The following LSAMP variants were observed in gnomAD, a reference collection of about 807,000 sequenced individuals.
The protein encoded by LSAMP is limbic system associated membrane protein, also known as limbic system-associated membrane protein.
Under a neutral mutation model 38.6 loss-of-function variants are expected in LSAMP, and 7 were observed. That is an observed-to-expected ratio of 0.18 (90% CI 0.10 to 0.34). The LOEUF (loss-of-function observed/expected upper bound fraction) is 0.34. Among genes scored for constraint, LSAMP ranks in the 10% least tolerant of loss-of-function variants. The pLI, the probability that LSAMP is intolerant of heterozygous loss-of-function variation, is 1.00. For synonymous variants in LSAMP, 154 were observed against 166.8 expected (o/e 0.92, Z 0.59); for missense variants, 313 against 420.0 (o/e 0.75, Z 2.23).
chr3:115,883,880 G>T (rs1021894975), intron 3 of LSAMP, among the ~76,000 whole-genome samples: 1 of 151,930 alleles, frequency 6.6e-6, no homozygotes, highest in Non-Finnish European at 1.5e-5. Context: ...TAAAATAAGA[G>T]AGTGAATGGA....
rs144188419 is a variant in LSAMP at position 116,103,768 on chromosome 3, A to C, written c.156-17212T>G. On this transcript the variant is annotated intron_variant, in intron 1 of 6. Coordinates refer to ENST00000490035, the MANE Select transcript of LSAMP (RefSeq NM_002338.5). ...AAAATTATACCTCTGCTAGACTGTA[A>C]AATTAAGGAAGTCAGAGTCCCTAAT... Among the ~76,000 whole-genome samples, 346 of 152,250 alleles carry C rather than the reference A, an allele frequency of 2.3e-3. 1 individual carries two copies. The highest frequency in any genetic ancestry group is 7.8e-3 in the African/African-American group (325 of 41,540).
chr3:115,934,318 C>A (rs921046641), intron 3 of LSAMP, among the ~76,000 whole-genome samples: 2 of 151,996 alleles, frequency 1.3e-5, no homozygotes, highest in African/African-American at 4.8e-5. Flanking sequence ...GGTTGGATTA[C>A]AGGCGCCCGC....
At chr3:115,956,731 A>T (rs1316397375) in intron 3 of LSAMP, among the ~76,000 whole-genome samples, 1 of 152,340 alleles carries the variant, frequency 6.6e-6, no homozygotes, top group East Asian at 1.9e-4. Context: ...AAATTTTATA[A>T]TTCTTTAACT....
intron 1 of LSAMP, among the ~76,000 whole-genome samples, chr3:116,304,864 G>T (rs1360256986): frequency 6.6e-6 from 1 of 152,120 alleles, no homozygotes; most frequent in African/African-American, 2.4e-5. Context: ...GAAGATGGAG[G>T]ATGGAAAGGT....
intron 1 of LSAMP, among the ~76,000 whole-genome samples, chr3:116,371,870 C>T (rs1014353282): frequency 5.9e-5 from 9 of 151,968 alleles, no homozygotes; most frequent in African/African-American, 2.2e-4. Context: ...AAATCAGTTA[C>T]ATTTCTATAC....
At chr3:116,259,672 T>C (rs1252974246) in intron 1 of LSAMP, among the ~76,000 whole-genome samples, 2 of 152,166 alleles carry the variant, frequency 1.3e-5, no homozygotes, top group African/African-American at 4.8e-5. Flanking sequence ...GTGGTGCTGG[T>C]GGTGTTGGTA....
At chr3:116,163,876 C>CAA (rs199877111) in intron 1 of LSAMP, among the ~76,000 whole-genome samples, 1 of 151,046 alleles carries the variant, frequency 6.6e-6, no homozygotes, top group African/African-American at 2.4e-5. Flanking sequence ...TAAAAAAACA[C>CAA]AAAAAAAACG....
Position 116,249,630 on chromosome 3 carries a change from C to T in LSAMP, c.156-163074G>A, listed in dbSNP as rs536072274. On this transcript the variant is annotated intron_variant, in intron 1 of 6. Transcript: ENST00000490035. ...CAAACTCCTGACCTCGTGATCCGCC[C>T]GCCTCAGCCTCCCAAAGTGCTGGGA... Among the ~76,000 whole-genome samples the T allele has an allele frequency of 9.2e-5, 14 of 151,926 alleles. No homozygotes were observed. In the South Asian group the frequency reaches 1.0e-3, roughly 11 times the overall value.
chr3:116,028,727 G>C (rs1302821569), intron 2 of LSAMP, among the ~76,000 whole-genome samples: 1 of 151,988 alleles, frequency 6.6e-6, no homozygotes, highest in Non-Finnish European at 1.5e-5. Context: ...AGGATAACAT[G>C]GTAAAATAGC....
intron 1 of LSAMP, among the ~76,000 whole-genome samples, chr3:116,277,577 T>C (rs1294800342): frequency 1.3e-5 from 2 of 152,172 alleles, no homozygotes; most frequent in Admixed American, 1.3e-4. Context: ...TTCACCATGT[T>C]AGCCAGAATG....
At chr3:116,317,203 G>A (rs1310915052) in intron 1 of LSAMP, among the ~76,000 whole-genome samples, 1 of 152,062 alleles carries the variant, frequency 6.6e-6, no homozygotes, top group Non-Finnish European at 1.5e-5. Flanking sequence ...AATAAATCTT[G>A]CTGCTGCTCA....
chr3:115,995,139 T>C (rs1939779588), intron 3 of LSAMP, among the ~76,000 whole-genome samples: 1 of 152,268 alleles, frequency 6.6e-6, no homozygotes, highest in South Asian at 2.1e-4. Context: ...GAAGTTTCCA[T>C]ACATTCTTTT....
At chr3:116,350,469 T>C (rs546032406) in intron 1 of LSAMP, among the ~76,000 whole-genome samples, 1 of 152,172 alleles carries the variant, frequency 6.6e-6, no homozygotes, top group Admixed American at 6.6e-5. Context: ...TGCACTGCAT[T>C]CTGAGTATGG....
intron 1 of LSAMP, among the ~76,000 whole-genome samples, chr3:116,203,196 C>T (rs2046011737): frequency 6.6e-6 from 1 of 152,118 alleles, no homozygotes; most frequent in Non-Finnish European, 1.5e-5. Context: ...TTGTCTTATT[C>T]CTGATACGCA....
chr3:116,289,108 A>G (rs111714075), intron 1 of LSAMP, among the ~76,000 whole-genome samples: 3,757 of 152,270 alleles, frequency 0.025, 70 homozygotes, highest in Middle Eastern at 0.051. Context: ...CATGAGAGAA[A>G]CAATCAGTAG....
At position 116,275,051 on chromosome 3, in the gene LSAMP, A is replaced by AAAAT. The variant is rs151230549; in HGVS notation, c.155+169822_155+169825dup. Among the ~76,000 whole-genome samples, 1,343 of 151,784 alleles carry AAAAT rather than the reference A, an allele frequency of 8.8e-3. 19 individuals carry two copies. The highest frequency in any genetic ancestry group is 0.03 in the African/African-American group (1,232 of 41,342). ...TATAAACACGGCCACAAAGGATTTA[A>AAAAT]AAATAAATAAATAAATAAATAAACA... On this transcript the variant is annotated intron_variant, in intron 1 of 6. Coordinates refer to ENST00000490035, the MANE Select transcript of LSAMP (RefSeq NM_002338.5).
chr3:116,320,153 G>T (rs13069169), intron 1 of LSAMP, among the ~76,000 whole-genome samples: 6,639 of 152,176 alleles, frequency 0.044, 199 homozygotes, highest in Middle Eastern at 0.095. Flanking sequence ...GGTGGCTCAC[G>T]CCTGTAATCT....
chr3:116,301,410 C>T (rs79213335), intron 1 of LSAMP, among the ~76,000 whole-genome samples: 14,520 of 152,070 alleles, frequency 0.095, 819 homozygotes, highest in Middle Eastern at 0.16. Flanking sequence ...ATAAATAAAA[C>T]AAAATCAATA....
intron 3 of LSAMP, among the ~76,000 whole-genome samples, chr3:115,917,227 C>G (rs2107516141): frequency 6.6e-6 from 1 of 152,304 alleles, no homozygotes; most frequent in Admixed American, 6.5e-5. Flanking sequence ...AAACAATGCT[C>G]AATAGCTTTG....
Sources: gnomAD v4.1 joint callset for allele counts (sites outside exome capture counted in the v4.1 genomes callset) on GRCh38, gnomAD v4.1.1 for gene constraint, MANE v1.5 for transcripts, NCBI Gene and HGNC (gene_info 2026-07-23, HGNC 2026-07-21) for gene names.